Variants in CSMD1 observed in about 807,000 individuals in gnomAD.
CSMD1 encodes CUB and Sushi multiple domains 1.
Under a neutral mutation model 417.5 loss-of-function variants are expected in CSMD1, and 213 were observed. That is an observed-to-expected ratio of 0.51 (90% CI 0.46 to 0.57). The LOEUF (loss-of-function observed/expected upper bound fraction) is 0.57, where lower values mean the gene tolerates loss of function less well. Ranked by LOEUF, CSMD1 falls within the 20% of genes least tolerant of loss-of-function variation. The pLI is 0.00. For synonymous variants in CSMD1, 2,862 were observed against 1,736.8 expected, an observed-to-expected ratio of 1.65 and a Z score of -16.11; for missense variants, 6,923 against 4,529.7, an observed-to-expected ratio of 1.53 and a Z score of -15.17.
At position 4,050,131 on chromosome 8, in the gene CSMD1, C is replaced by G. The variant is rs1563056667; in HGVS notation, c.416-18032G>C. 2.6e-5 allele frequency among the ~76,000 whole-genome samples: 4 copies of G among 152,130 alleles called. No homozygotes were observed. In the South Asian group the frequency reaches 8.3e-4, roughly 31 times the overall value. Reference sequence around the variant, plus strand: ...GGGAAGATCACAGAGGTAAAGAACACTTCTCGTCGCAGCATGCCAGGGACA... The same window carrying G: ...GGGAAGATCACAGAGGTAAAGAACAGTTCTCGTCGCAGCATGCCAGGGACA... On this transcript the variant is annotated intron_variant, in intron 3 of 69. Transcript: ENST00000635120.
chr8:3,649,247 C>T (rs1158682880), intron 7 of CSMD1, among the ~76,000 whole-genome samples: 1 of 152,084 alleles, frequency 6.6e-6, no homozygotes, highest in South Asian at 2.1e-4. Flanking sequence ...TCTTCTGTAA[C>T]ATAAAACCAA....
intron 3 of CSMD1, among the ~76,000 whole-genome samples, chr8:4,306,479 G>A (rs1403952596): frequency 1.3e-5 from 2 of 152,202 alleles, no homozygotes; most frequent in East Asian, 1.9e-4. Flanking sequence ...GAATGCCTCA[G>A]CAGGGTGTAA....
chr8:3,020,871 G>A (rs888448172), intron 51 of CSMD1, among the ~76,000 whole-genome samples: 1 of 152,178 alleles, frequency 6.6e-6, no homozygotes, highest in African/African-American at 2.4e-5. Flanking sequence ...GTGTCATATC[G>A]TTTGCATTTA....
intron 3 of CSMD1, among the ~76,000 whole-genome samples, chr8:4,325,761 C>T (rs968711638): frequency 2.0e-5 from 3 of 152,072 alleles, no homozygotes; most frequent in East Asian, 1.9e-4. Context: ...TCCTGTTGCA[C>T]CCCTCTCCAC....
chr8:4,498,174 A>C (rs976239074), intron 2 of CSMD1, among the ~76,000 whole-genome samples: 43 of 152,142 alleles, frequency 2.8e-4, no homozygotes, highest in African/African-American at 1.0e-3. Context: ...TTATCTTTCT[A>C]CTGTTAATGC....
chr8:4,132,041 G>A (rs765864489), intron 3 of CSMD1, among the ~76,000 whole-genome samples: 5 of 152,014 alleles, frequency 3.3e-5, no homozygotes, highest in African/African-American at 7.3e-5. Flanking sequence ...CTTCTTGATG[G>A]CATAACAAAG....
chr8:3,130,844 G>A (rs1224863643), intron 41 of CSMD1, among the ~76,000 whole-genome samples: 1 of 152,152 alleles, frequency 6.6e-6, no homozygotes, highest in Non-Finnish European at 1.5e-5. Flanking sequence ...CTCTATGGCT[G>A]CAACTTCAAA....
chr8:3,265,133 C>T (rs913064253), intron 26 of CSMD1, among the ~76,000 whole-genome samples: 3 of 152,044 alleles, frequency 2.0e-5, no homozygotes, highest in Non-Finnish European at 4.4e-5. Flanking sequence ...ACTATTAGAG[C>T]AGAGATATTA....
At chr8:4,268,468 C>T (rs1016221990) in intron 3 of CSMD1, among the ~76,000 whole-genome samples, 2 of 152,086 alleles carry the variant, frequency 1.3e-5, no homozygotes, top group Non-Finnish European at 2.9e-5. Flanking sequence ...AAGGTAGTAT[C>T]GCTGCTTACG....
intron 3 of CSMD1, among the ~76,000 whole-genome samples, chr8:4,149,922 T>C (rs1563189643): frequency 6.6e-6 from 1 of 152,212 alleles, no homozygotes; most frequent in Non-Finnish European, 1.5e-5. Flanking sequence ...CTTGGTGTTT[T>C]GTTAAATTGT....
chr8:4,928,231 G>T (rs28375507), intron 1 of CSMD1, among the ~76,000 whole-genome samples: 2 of 152,198 alleles, frequency 1.3e-5, no homozygotes, highest in East Asian at 3.9e-4. Context: ...TTGCTCTCTT[G>T]CTTCCACTGG....
At chr8:3,453,646 T>C (rs917520951) in intron 12 of CSMD1, among the ~76,000 whole-genome samples, 3 of 152,256 alleles carry the variant, frequency 2.0e-5, no homozygotes, top group African/African-American at 7.2e-5. Context: ...TAATCCTGAA[T>C]TGTAGTTTTA....
chr8:3,936,074 C>T (rs919889170), intron 5 of CSMD1, among the ~76,000 whole-genome samples: 3 of 151,818 alleles, frequency 2.0e-5, no homozygotes, highest in East Asian at 1.9e-4. Context: ...AAGACCAAAG[C>T]AGCCGCAAAA....
At chr8:4,126,736 G>T (rs1014339104) in intron 3 of CSMD1, among the ~76,000 whole-genome samples, 36 of 152,210 alleles carry the variant, frequency 2.4e-4, no homozygotes, top group African/African-American at 7.7e-4. Context: ...CGTTTGAAAA[G>T]CCAACAAAAA....
chr8:3,681,147 T>G (rs374972002), intron 7 of CSMD1, among the ~76,000 whole-genome samples: 3 of 152,110 alleles, frequency 2.0e-5, no homozygotes, highest in Non-Finnish European at 4.4e-5. Context: ...GATGCCCTCT[T>G]TCACCACTCC....
At chr8:4,901,067 G>C (rs1321911812) in intron 1 of CSMD1, among the ~76,000 whole-genome samples, 1 of 152,218 alleles carries the variant, frequency 6.6e-6, no homozygotes, top group African/African-American at 2.4e-5. Flanking sequence ...ATTACACAGA[G>C]TTGAAGCAAT....
chr8:4,115,915 T>G (rs1802109669), intron 3 of CSMD1, among the ~76,000 whole-genome samples: 1 of 152,056 alleles, frequency 6.6e-6, no homozygotes, highest in East Asian at 1.9e-4. Flanking sequence ...TGGTTGCCAG[T>G]GACTGGGGGC....
At chr8:3,261,559 C>G (rs1204533500) in intron 26 of CSMD1, among the ~76,000 whole-genome samples, 1 of 152,142 alleles carries the variant, frequency 6.6e-6, no homozygotes, top group East Asian at 1.9e-4. Flanking sequence ...ATGTTCATCA[C>G]AGCTGTACTC....
intron 10 of CSMD1, among the ~76,000 whole-genome samples, chr8:3,568,308 G>A (rs749666714): frequency 6.6e-6 from 1 of 152,026 alleles, no homozygotes; most frequent in Non-Finnish European, 1.5e-5. Flanking sequence ...TGTTGTCAAT[G>A]GCAGAATTTC....
Sources: allele counts gnomAD v4.1 joint callset (sites outside exome capture counted in the v4.1 genomes callset), GRCh38; gene constraint gnomAD v4.1.1; transcripts MANE v1.5; gene names NCBI Gene and HGNC (gene_info 2026-07-23, HGNC 2026-07-21).